DYNC1I2: variants seen among roughly 807,000 people sequenced by gnomAD.
The protein encoded by DYNC1I2 is cytoplasmic dynein 1 intermediate chain 2.
DYNC1I2 carries 53 observed loss-of-function variants against 88.6 expected under a neutral mutation model. That is an observed-to-expected ratio of 0.60 (90% CI 0.48 to 0.75). The LOEUF is 0.75. Among genes scored for constraint, DYNC1I2 ranks in the 30% least tolerant of loss-of-function variants. The pLI is 0.00. For synonymous variants in DYNC1I2, 198 were observed against 254.6 expected (o/e 0.78, Z 2.12); for missense variants, 458 against 766.6 (o/e 0.60, Z 4.75).
intron 3 of DYNC1I2, among the ~76,000 whole-genome samples, chr2:171,698,636 G>A (rs1233308243): frequency 2.0e-5 from 3 of 152,136 alleles, no homozygotes; most frequent in Non-Finnish European, 2.9e-5. Flanking sequence ...TTGGGAGGCT[G>A]AGGCGGGCGG....
rs1435936377 is a variant in DYNC1I2 at position 171,750,106 on chromosome 2, G to A, written c.*2217G>A. ...TTAAAGTTTATTACCTTCATGTTAAGGAATATCCAGCTTCACAGACAATTA... is the reference window on the plus strand; with the variant it reads ...TTAAAGTTTATTACCTTCATGTTAAAGAATATCCAGCTTCACAGACAATTA... On this transcript the variant is annotated 3_prime_UTR_variant, in exon 18 of 18. Transcript: ENST00000397119. 6.6e-6 allele frequency among the ~76,000 whole-genome samples: 1 copy of A among 152,022 alleles called. No individual in the cohort carries two copies. Among genetic ancestry groups the A allele is most frequent in the African/African-American group, 2.4e-5 (1 of 41,410 alleles).
In DYNC1I2 at chr2:171,747,764, T is replaced by G; in HGVS notation, c.1804-12T>G. On this transcript the variant is annotated splice_polypyrimidine_tract_variant and intron_variant, in intron 17 of 17. Transcript: ENST00000397119. ...TTTCATTGTATATAAAACATTGTCT[T>G]TCTTTTAACAGCAGATTGCTGTTCC... 1.9e-6 allele frequency: 3 copies of G among 1,581,344 alleles called. No individual in the cohort carries two copies. Among genetic ancestry groups the G allele is most frequent in the Non-Finnish European group, 2.6e-6 (3 of 1,153,628 alleles).
intron 8 of DYNC1I2, 97 bp downstream of exon 8, chr2:171,725,810 A>T: frequency 1.6e-6 from 2 of 1,281,218 alleles, no homozygotes; most frequent in Non-Finnish European, 2.1e-6. Flanking sequence ...TAAATCAAAT[A>T]AGTGAATCTG....
rs895743961 is a variant in DYNC1I2, at chr2:171,726,429, G to A, written c.870+136G>A. 5 of 642,856 alleles carry A rather than the reference G, an allele frequency of 7.8e-6. No homozygotes were observed. The African/African-American group carries it at 9.2e-5, about 12-fold the overall frequency. The allele number at this position is 642,856 out of a possible 1,614,324, so 39.8% of individuals were successfully genotyped here. On this transcript the variant is annotated intron_variant, in intron 10 of 17. Coordinates refer to ENST00000397119, the MANE Select transcript of DYNC1I2 (RefSeq NM_001378.3). ...AAAATTAATGGATGATGGTTCTAAT[G>A]TTAACATACTCATCTTATGTACTTT...
At position 171,725,598 on chromosome 2, in the gene DYNC1I2, G is replaced by GTTTTTTTTTTTTT. The variant is rs746910264; in HGVS notation, c.512-16_512-4dup. Reference sequence around the variant, plus strand: ...ATTCTGTTTTTTTGTTTTTTTGTTTGTTTTTTTTTTTTTTTTCAGATGAAG... The same window carrying GTTTTTTTTTTTTT: ...ATTCTGTTTTTTTGTTTTTTTGTTTGTTTTTTTTTTTTTTTTTTTTTTTTTTTTTCAGATGAAG... On this transcript the variant is annotated intron_variant, in intron 7 of 17. Coordinates refer to ENST00000397119, the MANE Select transcript of DYNC1I2 (RefSeq NM_001378.3). 7.4e-5 allele frequency: 66 copies of GTTTTTTTTTTTTT among 895,186 alleles called. 1 individual carries two copies. Among genetic ancestry groups the GTTTTTTTTTTTTT allele is most frequent in the South Asian group, 4.0e-4 (17 of 43,008 alleles). 55.5% of individuals were successfully genotyped at this position (895,186 alleles called of 1,614,324 possible).
chr2:171,730,543 T>C (rs1374358561), intron 15 of DYNC1I2, among the ~76,000 whole-genome samples: 1 of 152,232 alleles, frequency 6.6e-6, no homozygotes, highest in Non-Finnish European at 1.5e-5. Context: ...CAAATCCAAG[T>C]AGGCAACATT....
In DYNC1I2 at chr2:171,728,785, A is replaced by T; in HGVS notation, c.1326A>T (p.Gly442=). 3.7e-6 allele frequency: 6 copies of T among 1,610,686 alleles called. No homozygotes were observed. Among genetic ancestry groups the T allele is most frequent in the Non-Finnish European group, 4.2e-6 (5 of 1,178,402 alleles). Residue 442 remains glycine (G), a synonymous_variant, in exon 14 of 18, where the codon GGA becomes GGT. Coordinates refer to ENST00000397119, the MANE Select transcript of DYNC1I2 (RefSeq NM_001378.3). ...VAVTSMSFPV[G]DVNNFVVGSE... ...TGACATCTATGTCCTTCCCTGTTGG[A>T]GATGTCAACAACTTTGTTGTTGGGA...
At chr2:171,729,036 T>A (rs915908239) in intron 14 of DYNC1I2, among the ~76,000 whole-genome samples, 186 bp downstream of exon 14, 4 of 152,152 alleles carry the variant, frequency 2.6e-5, no homozygotes, top group Non-Finnish European at 4.4e-5. Context: ...GGATTCATGA[T>A]GTGTTTAGAT....
intron 4 of DYNC1I2, 62 bp from the exon 5 acceptor site, chr2:171,707,225 G>A (rs752089889): frequency 2.2e-5 from 36 of 1,610,244 alleles, no homozygotes; most frequent in East Asian, 6.7e-5. Flanking sequence ...TTTTTGAAAC[G>A]TCATAAGCTG....
chr2:171,742,068 A>G (rs1574639255), intron 15 of DYNC1I2, among the ~76,000 whole-genome samples: 2 of 46,366 alleles, frequency 4.3e-5, no homozygotes, highest in African/African-American at 3.9e-5. Context: ...GCGGTCTCAG[A>G]AAAAAAAAAA....
intron 5 of DYNC1I2, chr2:171,712,409 T>C (rs1362759319): frequency 1.1e-5 from 2 of 181,988 alleles, no homozygotes; most frequent in Non-Finnish European, 2.3e-5. Flanking sequence ...TCAACCATTT[T>C]ATAGCCTAGC....
chr2:171,749,719 T>G lies in DYNC1I2; in HGVS notation c.*1830T>G, dbSNP rs1399019374. On this transcript the variant is annotated 3_prime_UTR_variant, in exon 18 of 18. Transcript: ENST00000397119. ...AAATATTTCACTTTTTGGGAATGAC[T>G]TCTCCCCTACTCCCCCAGAAAATGC... Among the ~76,000 whole-genome samples, 1 of 152,170 alleles carries G rather than the reference T, an allele frequency of 6.6e-6. No individual in the cohort carries two copies. Among genetic ancestry groups the G allele is most frequent in the Non-Finnish European group, 1.5e-5 (1 of 67,992 alleles).
intron 15 of DYNC1I2, 46 bp from the exon 16 acceptor site, chr2:171,744,003 G>A: frequency 1.3e-6 from 2 of 1,494,152 alleles, no homozygotes; most frequent in Non-Finnish European, 1.8e-6. Flanking sequence ...TTAATGATTT[G>A]TATGTCATAT....
At chr2:171,745,751 A>G in intron 16 of DYNC1I2, 51 bp from the exon 17 acceptor site, 5 of 1,567,560 alleles carry the variant, frequency 3.2e-6, no homozygotes. Flanking sequence ...ACATGTTTAT[A>G]GAAATCTTGA....
At chr2:171,738,762 C>T (rs1689186527) in intron 15 of DYNC1I2, among the ~76,000 whole-genome samples, 2 of 152,186 alleles carry the variant, frequency 1.3e-5, no homozygotes, top group South Asian at 4.1e-4. Context: ...AGTGGAGCAA[C>T]AGCAGAGATA....
intron 7 of DYNC1I2, among the ~76,000 whole-genome samples, chr2:171,716,466 A>G (rs1687501075): frequency 6.6e-6 from 1 of 152,220 alleles, no homozygotes; most frequent in Non-Finnish European, 1.5e-5. Context: ...TTAAATTACC[A>G]TGTTTCTCCA....
chr2:171,736,982 A>G (rs938767533), intron 15 of DYNC1I2, among the ~76,000 whole-genome samples: 2 of 152,204 alleles, frequency 1.3e-5, no homozygotes, highest in Admixed American at 1.3e-4. Flanking sequence ...CTGCCATAAC[A>G]AATTACCACA....
intron 1 of DYNC1I2, among the ~76,000 whole-genome samples, chr2:171,689,639 T>C (rs1373583977): frequency 6.6e-6 from 1 of 152,120 alleles, no homozygotes; most frequent in Non-Finnish European, 1.5e-5. Context: ...TGCTCAGCTC[T>C]AGGTAATATT....
intron 5 of DYNC1I2, among the ~76,000 whole-genome samples, chr2:171,710,071 T>A (rs916856804): frequency 1.3e-5 from 2 of 151,712 alleles, no homozygotes; most frequent in Admixed American, 6.6e-5. Flanking sequence ...CAGACTCACT[T>A]GGAAACATTA....
Sources: gnomAD v4.1 joint callset for allele counts (sites outside exome capture counted in the v4.1 genomes callset) on GRCh38, gnomAD v4.1.1 for gene constraint, MANE v1.5 for transcripts, NCBI Gene and HGNC (gene_info 2026-07-23, HGNC 2026-07-21) for gene names.